The following DAD1 variants were observed in gnomAD, a reference collection of about 807,000 sequenced individuals.
The protein encoded by DAD1 is defender against cell death 1.
In DAD1, 4 loss-of-function variants were observed where a neutral mutation model predicts 9.0. That is an observed-to-expected ratio of 0.44 (90% CI 0.22 to 1.01). The LOEUF (loss-of-function observed/expected upper bound fraction) is 1.01, where lower values mean the gene tolerates loss of function less well. Among genes scored for constraint, DAD1 ranks in the 50% least tolerant of loss-of-function variants. The pLI is 0.24. For missense variants in DAD1, 119 were observed against 137.3 expected, an observed-to-expected ratio of 0.87 and a Z score of 0.67; for synonymous variants, 60 against 62.5, an observed-to-expected ratio of 0.96 and a Z score of 0.19.
chr14:22,576,450 C>T (rs1299386642), intron 1 of DAD1, among the ~76,000 whole-genome samples: 1 of 152,082 alleles, frequency 6.6e-6, no homozygotes, highest in Non-Finnish European at 1.5e-5. Flanking sequence ...CCATATACTA[C>T]AAAAATTAAC....
intron 2 of DAD1, chr14:22,566,967 T>C (rs1385948213): frequency 6.6e-6 from 1 of 152,174 alleles, no homozygotes; most frequent in Non-Finnish European, 1.5e-5. Context: ...GCTCACACAA[T>C]TGACTACTCA....
At chr14:22,571,939 A>G (rs2037044256) in intron 2 of DAD1, among the ~76,000 whole-genome samples, 1 of 152,178 alleles carries the variant, frequency 6.6e-6, no homozygotes, top group African/African-American at 2.4e-5. Flanking sequence ...CATCCTAGCC[A>G]GGCTCTCTCA....
chr14:22,571,754 C>T (rs568525689), intron 2 of DAD1, among the ~76,000 whole-genome samples: 63 of 151,714 alleles, frequency 4.2e-4, no homozygotes, highest in African/African-American at 1.5e-3. Flanking sequence ...CTTAGCCTCC[C>T]GAGTAGCTGG....
intron 1 of DAD1, among the ~76,000 whole-genome samples, chr14:22,588,576 A>G (rs1391841675): frequency 2.0e-5 from 3 of 152,260 alleles, no homozygotes; most frequent in African/African-American, 7.2e-5. Context: ...TGATTAGGCC[A>G]AGATGACAGA....
chr14:22,585,080 G>T (rs113146198), intron 1 of DAD1, among the ~76,000 whole-genome samples: 167 of 152,350 alleles, frequency 1.1e-3, no homozygotes, highest in African/African-American at 3.8e-3. Context: ...CAGATCTGAT[G>T]GATAATTCCA....
chr14:22,573,255 G>A (rs988527721), intron 2 of DAD1, among the ~76,000 whole-genome samples: 6 of 151,392 alleles, frequency 4.0e-5, no homozygotes, highest in African/African-American at 9.7e-5. Flanking sequence ...TCAAGCAATC[G>A]CCCACCTCGC....
At chr14:22,572,087 C>A (rs892498067) in intron 2 of DAD1, among the ~76,000 whole-genome samples, 1 of 152,094 alleles carries the variant, frequency 6.6e-6, no homozygotes, top group Middle Eastern at 3.2e-3. Flanking sequence ...TTCCTTACTT[C>A]CCCTTGAATT....
chr14:22,588,416 G>A (rs2037168811), intron 1 of DAD1, among the ~76,000 whole-genome samples: 1 of 152,176 alleles, frequency 6.6e-6, no homozygotes, highest in Non-Finnish European at 1.5e-5. Context: ...CAAAAATTGG[G>A]TTCAGGACAG....
intron 2 of DAD1, among the ~76,000 whole-genome samples, chr14:22,573,499 G>A (rs1485862093): frequency 6.6e-6 from 1 of 151,876 alleles, no homozygotes; most frequent in African/African-American, 2.4e-5. Flanking sequence ...CGGATCACCA[G>A]GTCAGGAGAT....
At chr14:22,570,516 C>CT (rs1157674536) in intron 2 of DAD1, among the ~76,000 whole-genome samples, 2 of 152,276 alleles carry the variant, frequency 1.3e-5, no homozygotes, top group South Asian at 4.1e-4. Context: ...CCAAACTCAA[C>CT]TCCTCATGTT....
chr14:22,583,192 TA>T (rs1208975639), intron 1 of DAD1, among the ~76,000 whole-genome samples: 1 of 151,866 alleles, frequency 6.6e-6, no homozygotes, highest in East Asian at 1.9e-4. Flanking sequence ...AGTTCAAAAC[TA>T]AAAATATAAA....
intron 1 of DAD1, among the ~76,000 whole-genome samples, chr14:22,581,558 A>G (rs903810447): frequency 6.6e-6 from 1 of 150,438 alleles, no homozygotes; most frequent in African/African-American, 2.4e-5. Flanking sequence ...CCTGACCAAC[A>G]TGGAGAAACC....
intron 2 of DAD1, among the ~76,000 whole-genome samples, chr14:22,568,513 C>A (rs1019412243): frequency 2.6e-5 from 4 of 152,090 alleles, no homozygotes; most frequent in African/African-American, 9.7e-5. Context: ...ACAGTACAAT[C>A]CTCCTCAAAC....
chr14:22,573,724 A>C (rs1469433064), intron 2 of DAD1, among the ~76,000 whole-genome samples: 1 of 125,930 alleles, frequency 7.9e-6, no homozygotes, highest in Non-Finnish European at 1.6e-5. Context: ...AAAAAAAAAA[A>C]AAAACAGAAA....
At chr14:22,586,672 A>C (rs746500609) in intron 1 of DAD1, among the ~76,000 whole-genome samples, 28 of 152,178 alleles carry the variant, frequency 1.8e-4, no homozygotes, top group Non-Finnish European at 3.5e-4. Context: ...TGCAACAGGA[A>C]ATTCCACAGG....
At chr14:22,581,461 G>A (rs8018793) in intron 1 of DAD1, among the ~76,000 whole-genome samples, 10 of 152,166 alleles carry the variant, frequency 6.6e-5, no homozygotes, top group South Asian at 4.2e-4. Context: ...AAGGACAGAC[G>A]CCAGGCATGG....
chr14:22,571,449 C>A (rs1181472599), intron 2 of DAD1, among the ~76,000 whole-genome samples: 1 of 151,966 alleles, frequency 6.6e-6, no homozygotes, highest in Non-Finnish European at 1.5e-5. Flanking sequence ...TATGCCGCCA[C>A]CTACACAACA....
intron 2 of DAD1, among the ~76,000 whole-genome samples, chr14:22,565,685 T>C (rs1474598721): frequency 6.6e-6 from 1 of 152,054 alleles, no homozygotes. Flanking sequence ...AAGAAAAAGG[T>C]GAAGAAAGAG....
intron 1 of DAD1, among the ~76,000 whole-genome samples, chr14:22,580,360 C>T (rs537445333): frequency 6.6e-6 from 1 of 151,986 alleles, no homozygotes; most frequent in East Asian, 2.0e-4. Context: ...GTAGAGGTTG[C>T]AGGCTGCAGT....
Sources: gnomAD v4.1 joint callset for allele counts (sites outside exome capture counted in the v4.1 genomes callset) on GRCh38, gnomAD v4.1.1 for gene constraint, MANE v1.5 for transcripts, NCBI Gene and HGNC (gene_info 2026-07-23, HGNC 2026-07-21) for gene names.